The following CDC42 variants were observed in gnomAD, a reference collection of about 807,000 sequenced individuals.
The protein encoded by CDC42 is cell division control protein 42 homolog.
A neutral mutation model predicts 20.8 loss-of-function variants in CDC42; 1 was observed. That is an observed-to-expected ratio of 0.05 (90% confidence interval 0.02 to 0.23). The LOEUF (loss-of-function observed/expected upper bound fraction) is 0.23, where lower values mean the gene tolerates loss of function less well. Among genes scored for constraint, CDC42 ranks in the 10% least tolerant of loss-of-function variants. The pLI is 1.00. For synonymous variants in CDC42, 72 were observed against 84.8 expected (o/e 0.85, Z 0.83); for missense variants, 49 against 227.9 (o/e 0.21, Z 5.05).
At chr1:22,065,382 G>A (rs962333964) in intron 1 of CDC42, among the ~76,000 whole-genome samples, 2 of 152,212 alleles carry the variant, frequency 1.3e-5, no homozygotes, top group Non-Finnish European at 2.9e-5. Context: ...AGATTGGAAT[G>A]AAGGGATTTC....
At chr1:22,057,348 A>G (rs930539740) in intron 1 of CDC42, among the ~76,000 whole-genome samples, 1 of 152,180 alleles carries the variant, frequency 6.6e-6, no homozygotes, top group African/African-American at 2.4e-5. Flanking sequence ...TTTAATAACC[A>G]TCCTTCTCCC....
chr1:22,073,023 C>A (rs1019473233), intron 1 of CDC42, among the ~76,000 whole-genome samples: 1 of 152,096 alleles, frequency 6.6e-6, no homozygotes, highest in Non-Finnish European at 1.5e-5. Flanking sequence ...AACCATGGGG[C>A]ACGGGAAAAT....
intron 1 of CDC42, among the ~76,000 whole-genome samples, chr1:22,057,300 C>T (rs16826258): frequency 2.2e-3 from 328 of 152,346 alleles, no homozygotes; most frequent in African/African-American, 6.8e-3. Flanking sequence ...CCTTCCCCGC[C>T]ATCTTTGAGA....
chr1:22,093,349 T>G lies in CDC42; in HGVS notation c.*1832T>G, dbSNP rs904738724. On this transcript the variant is annotated 3_prime_UTR_variant, in exon 6 of 6. Transcript: ENST00000656825. ...GCTTGAACAATGTGATTTTTAAGTT[T>G]TCCAGGCATTTCTAAAATGTAGCCA... Among the ~76,000 whole-genome samples the G allele has an allele frequency of 3.3e-5, 5 of 152,208 alleles. No individual in the cohort carries two copies. Among genetic ancestry groups the G allele is most frequent in the African/African-American group, 1.2e-4 (5 of 41,436 alleles).
At chr1:22,054,462 C>T (rs1037868963) in intron 1 of CDC42, among the ~76,000 whole-genome samples, 1 of 152,080 alleles carries the variant, frequency 6.6e-6, no homozygotes. Flanking sequence ...GCAGAGATCA[C>T]AATTTTTGTT....
intron 1 of CDC42, among the ~76,000 whole-genome samples, chr1:22,072,811 A>C (rs529660413): frequency 7.9e-5 from 12 of 152,268 alleles, no homozygotes; most frequent in African/African-American, 2.9e-4. Flanking sequence ...CTCTGCTAGG[A>C]AGTGGGGACG....
chr1:22,078,959 A>G, intron 2 of CDC42: 1 of 748,756 alleles, frequency 1.3e-6, no homozygotes, highest in Admixed American at 4.6e-5. Context: ...ATACCATTTG[A>G]GGTCCTGTAA....
Position 22,100,448 on chromosome 1 carries a change from C to G in CDC42, c.*8931C>G, listed in dbSNP as rs1645783185. 6.6e-6 allele frequency among the ~76,000 whole-genome samples: 1 copy of G among 152,222 alleles called. No individual in the cohort carries two copies. Among genetic ancestry groups the G allele is most frequent in the Non-Finnish European group, 1.5e-5 (1 of 68,036 alleles). On this transcript the variant is annotated 3_prime_UTR_variant, in exon 6 of 6. Transcript: ENST00000656825. ...TTTGGATTTGAGTTTGGCTCTGCCA[C>G]TAACTTGATCTATGTCTTCAGGCAA...
intron 3 of CDC42, among the ~76,000 whole-genome samples, chr1:22,082,960 A>G (rs949196213): frequency 6.7e-6 from 1 of 150,124 alleles, no homozygotes; most frequent in African/African-American, 2.5e-5. Flanking sequence ...GCTCACCGCA[A>G]CCTCCGCCTC....
rs371714353 is a variant in CDC42, at chr1:22,093,804, G to A, written c.*2287G>A. ...GACATATGTATCCTTAGTGTAGTCA[G>A]GGGCGTATAGGTCCTTGACTATTGC... On this transcript the variant is annotated 3_prime_UTR_variant, in exon 6 of 6. Coordinates refer to ENST00000656825, the MANE Select transcript of CDC42 (RefSeq NM_001791.4). Among the ~76,000 whole-genome samples the A allele has an allele frequency of 2.6e-5, 4 of 152,188 alleles. No individual in the cohort carries two copies. Among genetic ancestry groups the A allele is most frequent in the Admixed American group, 6.5e-5 (1 of 15,280 alleles).
intron 1 of CDC42, among the ~76,000 whole-genome samples, chr1:22,054,891 G>GTGTATATATATATA (rs1351864605): frequency 1.4e-5 from 1 of 71,890 alleles, no homozygotes; most frequent in African/African-American, 5.7e-5. Flanking sequence ...TTGAATTTAT[G>GTGTATATATATATA]TATATATATA....
chr1:22,066,341 C>CT (rs1167237082), intron 1 of CDC42, among the ~76,000 whole-genome samples: 3 of 151,668 alleles, frequency 2.0e-5, no homozygotes, highest in African/African-American at 7.3e-5. Flanking sequence ...CGCCACTGTG[C>CT]TGCAGCTTAG....
chr1:22,062,517 AT>A (rs1161530435), intron 1 of CDC42, among the ~76,000 whole-genome samples: 1 of 152,088 alleles, frequency 6.6e-6, no homozygotes, highest in Non-Finnish European at 1.5e-5. Context: ...TTACGACCAA[AT>A]TACTCTGTGC....
intron 5 of CDC42, 142 bp downstream of exon 5, chr1:22,087,008 T>C: frequency 2.9e-6 from 2 of 694,494 alleles, no homozygotes; most frequent in South Asian, 3.5e-5. Context: ...TTGTATGTTC[T>C]TTTGTTAGAG....
At chr1:22,080,067 G>A (rs915164565) in intron 2 of CDC42, among the ~76,000 whole-genome samples, 1 of 152,170 alleles carries the variant, frequency 6.6e-6, no homozygotes, top group African/African-American at 2.4e-5. Context: ...TCTATGAGTT[G>A]GGGCTTGCCA....
chr1:22,054,923 T>A (rs10917133), intron 1 of CDC42, among the ~76,000 whole-genome samples: 2,691 of 12,638 alleles, frequency 0.21, 93 homozygotes, highest in East Asian at 0.27. Flanking sequence ...ATATATATAT[T>A]TTTTTTTTTT....
Position 22,094,439 on chromosome 1 carries a change from C to A in CDC42, c.*2922C>A, listed in dbSNP as rs6702176. ...CAGCCTCCCGAGTAGCTGGGACTACCGGCGCCCGCTACCACGCCCGGCTAA... is the reference window on the plus strand; with the variant it reads ...CAGCCTCCCGAGTAGCTGGGACTACAGGCGCCCGCTACCACGCCCGGCTAA... On this transcript the variant is annotated 3_prime_UTR_variant, in exon 6 of 6. Transcript: ENST00000656825. Among the ~76,000 whole-genome samples, 133,782 of 141,762 alleles carry A rather than the reference C, an allele frequency of 0.94. 63,242 individuals are homozygous for A. Among genetic ancestry groups the A allele is most frequent in the East Asian group, 1 (4,941 of 4,944 alleles). The allele number at this position is 141,762 out of a possible 152,430, so 93.0% of individuals were successfully genotyped here.
rs544268126 is a variant in CDC42 at position 22,087,219 on chromosome 1, A to G, written c.486+353A>G. On this transcript the variant is annotated intron_variant, in intron 5 of 5. Coordinates refer to ENST00000656825, the MANE Select transcript of CDC42 (RefSeq NM_001791.4). ...TAAACACTTAAATTTTCATCTGAAT[A>G]TGTCTGATCTTTTCTTGCCAATTCT... Among the ~76,000 whole-genome samples the G allele has an allele frequency of 2.0e-3, 301 of 152,076 alleles. 3 individuals are homozygous for G. The highest frequency in any genetic ancestry group is 3.2e-3 in the Non-Finnish European group (217 of 67,988).
chr1:22,072,348 C>T (rs1309942946), intron 1 of CDC42, among the ~76,000 whole-genome samples: 7 of 152,008 alleles, frequency 4.6e-5, no homozygotes, highest in African/African-American at 1.7e-4. Flanking sequence ...CTGCCCGCCT[C>T]GGCCTCCCAA....
Sources: gnomAD v4.1 joint callset for allele counts (sites outside exome capture counted in the v4.1 genomes callset) on GRCh38, gnomAD v4.1.1 for gene constraint, MANE v1.5 for transcripts, NCBI Gene and HGNC (gene_info 2026-07-23, HGNC 2026-07-21) for gene names.